The following GALNT13 variants were observed in gnomAD, a reference collection of about 807,000 sequenced individuals.
The protein encoded by GALNT13 is polypeptide N-acetylgalactosaminyltransferase 13.
A neutral mutation model predicts 64.2 loss-of-function variants in GALNT13; 28 were observed. The observed-to-expected ratio is 0.44, with a 90% CI of 0.32 to 0.60. GALNT13 has a LOEUF of 0.60. Ranked by LOEUF, GALNT13 falls within the 20% of genes least tolerant of loss-of-function variation. GALNT13 has a pLI of 0.05. For synonymous variants in GALNT13, 214 were observed against 224.6 expected, an observed-to-expected ratio of 0.95 and a Z score of 0.42; for missense variants, 577 against 669.8, an observed-to-expected ratio of 0.86 and a Z score of 1.53.
At chr2:154,270,671 G>A (rs1691304955) in intron 8 of GALNT13, among the ~76,000 whole-genome samples, 1 of 151,814 alleles carries the variant, frequency 6.6e-6, no homozygotes, top group African/African-American at 2.4e-5. Flanking sequence ...GACAGCTAAA[G>A]TGAAAATAAA....
At chr2:153,336,035 C>T in the GALNT13 span, among the ~76,000 whole-genome samples, 1 of 152,206 alleles carries the variant, frequency 6.6e-6, no homozygotes, top group Non-Finnish European at 1.5e-5. Context: ...GGTCTTGAGC[C>T]TGCAGATGGA....
chr2:153,439,471 T>G, the GALNT13 span, among the ~76,000 whole-genome samples: 1 of 152,202 alleles, frequency 6.6e-6, no homozygotes, highest in Non-Finnish European at 1.5e-5. Flanking sequence ...CTCCACCCAG[T>G]TCGAGCTTCC....
At chr2:154,122,340 G>C (rs1681997058) in intron 3 of GALNT13, among the ~76,000 whole-genome samples, 1 of 151,762 alleles carries the variant, frequency 6.6e-6, no homozygotes, top group East Asian at 1.9e-4. Context: ...GTACCATTTT[G>C]TCAAGGATTT....
At chr2:153,429,756 T>A in the GALNT13 span, among the ~76,000 whole-genome samples, 2 of 152,194 alleles carry the variant, frequency 1.3e-5, no homozygotes, top group African/African-American at 2.4e-5. Flanking sequence ...AGATCTAGCA[T>A]TTATAAAATA....
At chr2:153,908,129 G>A (rs934137012) in intron 2 of GALNT13, among the ~76,000 whole-genome samples, 2 of 151,998 alleles carry the variant, frequency 1.3e-5, no homozygotes, top group Non-Finnish European at 2.9e-5. Context: ...ATCTCATGGT[G>A]GTTTTGGTTT....
At chr2:153,376,062 C>T in the GALNT13 span, among the ~76,000 whole-genome samples, 1 of 152,096 alleles carries the variant, frequency 6.6e-6, no homozygotes, top group African/African-American at 2.4e-5. Context: ...GCATTAATCT[C>T]TTCATGAAGG....
At chr2:153,724,284 C>T in the GALNT13 span, among the ~76,000 whole-genome samples, 4 of 141,512 alleles carry the variant, frequency 2.8e-5, no homozygotes, top group Non-Finnish European at 4.5e-5. Flanking sequence ...CCTTTCCTTA[C>T]ACCTTATACA....
the GALNT13 span, among the ~76,000 whole-genome samples, chr2:153,417,107 A>T: frequency 3.3e-5 from 5 of 152,296 alleles, no homozygotes; most frequent in East Asian, 9.7e-4. Flanking sequence ...ACAGAAGCAC[A>T]CAAAGAGGAT....
chr2:153,110,569 C>G, the GALNT13 span, among the ~76,000 whole-genome samples: 1 of 152,034 alleles, frequency 6.6e-6, no homozygotes, highest in African/African-American at 2.4e-5. Flanking sequence ...GCTTTTGTTC[C>G]TAACTCTCCC....
chr2:153,488,821 G>T, the GALNT13 span, among the ~76,000 whole-genome samples: 4 of 152,164 alleles, frequency 2.6e-5, no homozygotes, highest in Admixed American at 1.3e-4. Flanking sequence ...GCCCTTAAAA[G>T]GTGATTAGGC....
the GALNT13 span, among the ~76,000 whole-genome samples, chr2:153,543,538 T>C: frequency 6.6e-6 from 1 of 152,262 alleles, no homozygotes; most frequent in East Asian, 1.9e-4. Context: ...CTTAATGGAG[T>C]GTGTGTTTAT....
intron 4 of GALNT13, among the ~76,000 whole-genome samples, chr2:154,235,341 T>C (rs1272753786): frequency 6.6e-6 from 1 of 152,166 alleles, no homozygotes; most frequent in Non-Finnish European, 1.5e-5. Context: ...TTTAACACAT[T>C]GTAAATATAA....
chr2:153,805,966 G>T, the GALNT13 span, among the ~76,000 whole-genome samples: 1 of 152,058 alleles, frequency 6.6e-6, no homozygotes, highest in East Asian at 1.9e-4. Context: ...ATAATATAGT[G>T]TGTGTATGTG....
chr2:153,992,856 A>C (rs922108337), intron 3 of GALNT13, among the ~76,000 whole-genome samples: 21 of 152,330 alleles, frequency 1.4e-4, no homozygotes, highest in African/African-American at 5.0e-4. Flanking sequence ...CTTGCCTATT[A>C]GGCAAATTAT....
At chr2:153,216,202 C>A in the GALNT13 span, among the ~76,000 whole-genome samples, 3 of 152,052 alleles carry the variant, frequency 2.0e-5, no homozygotes, top group African/African-American at 7.2e-5. Context: ...TAGCAACATT[C>A]CAGTTTGTTT....
chr2:154,144,757 G>A (rs1683467331), intron 4 of GALNT13, among the ~76,000 whole-genome samples: 1 of 151,852 alleles, frequency 6.6e-6, no homozygotes, highest in South Asian at 2.1e-4. Context: ...GAACAGACTA[G>A]GTAAAAATAG....
intron 9 of GALNT13, among the ~76,000 whole-genome samples, chr2:154,304,962 G>A (rs1693650266): frequency 6.6e-6 from 1 of 152,076 alleles, no homozygotes; most frequent in Non-Finnish European, 1.5e-5. Flanking sequence ...GGCAGAGGGA[G>A]GAAACCCCAA....
chr2:153,295,372 CG>C, the GALNT13 span, among the ~76,000 whole-genome samples: 1 of 152,090 alleles, frequency 6.6e-6, no homozygotes, highest in Non-Finnish European at 1.5e-5. Context: ...GATGTTAAAT[CG>C]TTTATCTCAC....
At chr2:153,544,608 A>T in the GALNT13 span, among the ~76,000 whole-genome samples, 1 of 152,236 alleles carries the variant, frequency 6.6e-6, no homozygotes, top group Non-Finnish European at 1.5e-5. Context: ...AGGAAAACTA[A>T]GAAAAATTTT....
Sources: gnomAD v4.1 joint callset for allele counts (sites outside exome capture counted in the v4.1 genomes callset) on GRCh38, gnomAD v4.1.1 for gene constraint, MANE v1.5 for transcripts, NCBI Gene and HGNC (gene_info 2026-07-23, HGNC 2026-07-21) for gene names.